PRKAR1A: variants seen among roughly 807,000 people sequenced by gnomAD.
PRKAR1A encodes the protein cAMP-dependent protein kinase type I-alpha regulatory subunit.
PRKAR1A carries 3 observed loss-of-function variants against 52.0 expected under a neutral mutation model. That is an observed-to-expected ratio of 0.06 (90% CI 0.03 to 0.15). PRKAR1A has a LOEUF of 0.15. PRKAR1A is among the 10% of genes least tolerant of loss of function. The pLI is 1.00. For missense variants in PRKAR1A, 240 were observed against 477.4 expected, an observed-to-expected ratio of 0.50 and a Z score of 4.63; for synonymous variants, 188 against 168.4, an observed-to-expected ratio of 1.12 and a Z score of -0.90.
chr17:68,447,502 C>T, the PRKAR1A span, among the ~76,000 whole-genome samples: 1 of 152,158 alleles, frequency 6.6e-6, no homozygotes, highest in South Asian at 2.1e-4. Flanking sequence ...CTGCCTCAGC[C>T]TCCCAAGTAG....
intron 2 of PRKAR1A, chr17:68,515,849 G>A (rs183732104): frequency 5.6e-4 from 248 of 445,310 alleles, no homozygotes; most frequent in Middle Eastern, 4.1e-3. Flanking sequence ...AAATTAGTGC[G>A]TAGAACTATA....
intron 2 of PRKAR1A, among the ~76,000 whole-genome samples, chr17:68,518,731 G>A (rs2085509340): frequency 1.3e-5 from 2 of 152,226 alleles, no homozygotes; most frequent in African/African-American, 2.4e-5. Flanking sequence ...TTGGCTCCTT[G>A]TTACTTATGT....
At chr17:68,457,187 C>G in the PRKAR1A span, among the ~76,000 whole-genome samples, 1 of 152,120 alleles carries the variant, frequency 6.6e-6, no homozygotes, top group Non-Finnish European at 1.5e-5. Flanking sequence ...TGAAGGGGTA[C>G]GGGGATAACA....
the PRKAR1A span, among the ~76,000 whole-genome samples, chr17:68,456,423 C>G: frequency 1.3e-5 from 2 of 152,186 alleles, no homozygotes; most frequent in Non-Finnish European, 2.9e-5. Context: ...AATCGGTCAT[C>G]CCCGCCTGAT....
At chr17:68,474,874 A>G in the PRKAR1A span, among the ~76,000 whole-genome samples, 2 of 152,172 alleles carry the variant, frequency 1.3e-5, no homozygotes, top group Non-Finnish European at 2.9e-5. Flanking sequence ...AGCAAGATCT[A>G]TCTCAAAAAA....
the PRKAR1A span, among the ~76,000 whole-genome samples, chr17:68,489,186 GTATATATATATATATATATA>G: frequency 5.2e-3 from 58 of 11,090 alleles, 3 homozygotes; most frequent in African/African-American, 0.011. Flanking sequence ...ATCTTGGAAA[GTATATATATATATATATATA>G]TATATATATA....
the PRKAR1A span, among the ~76,000 whole-genome samples, chr17:68,484,260 C>T: frequency 6.6e-6 from 1 of 152,182 alleles, no homozygotes; most frequent in African/African-American, 2.4e-5. Flanking sequence ...AAATTCATCT[C>T]TGTAATGTGT....
intron 11 of PRKAR1A, chr17:68,542,898 T>A (rs1270597251): frequency 5.2e-5 from 52 of 1,002,072 alleles, no homozygotes; most frequent in Non-Finnish European, 7.9e-5. Flanking sequence ...ACATTAGGAA[T>A]TGGCTGGTGT....
chr17:68,463,099 A>G, the PRKAR1A span, among the ~76,000 whole-genome samples: 22 of 152,130 alleles, frequency 1.4e-4, no homozygotes, highest in Non-Finnish European at 4.4e-5. Context: ...AGGTGGATTC[A>G]AAGGCTTTGG....
chr17:68,517,157 T>G (rs536356720), intron 2 of PRKAR1A, among the ~76,000 whole-genome samples: 15 of 152,358 alleles, frequency 9.8e-5, no homozygotes, highest in Middle Eastern at 6.8e-3. Flanking sequence ...CTTCTTTAAC[T>G]TTTAATAATT....
chr17:68,532,981 A>G lies in PRKAR1A; in HGVS notation c.*2532A>G, dbSNP rs193154990. 4.1e-5 allele frequency: 44 copies of G among 1,065,922 alleles called. No individual in the cohort carries two copies. The African/African-American group carries it at 7.2e-4, about 17-fold the overall frequency. 66.0% of individuals were successfully genotyped at this position (1,065,922 alleles called of 1,614,324 possible). A position where few individuals can be genotyped will look rare whatever the true frequency, so the allele number is the denominator to read the frequency against. The stretch of plus-strand genomic sequence containing the variant: ...AGGGTAATTGAGATGTAGCAGATTT[A>G]TTTACTTAGTCATGGAAAGAAAAAA... On this transcript the variant is annotated 3_prime_UTR_variant, in exon 11 of 11. Coordinates refer to ENST00000589228, the MANE Select transcript of PRKAR1A (RefSeq NM_002734.5).
the PRKAR1A span, among the ~76,000 whole-genome samples, chr17:68,472,326 C>T: frequency 6.6e-6 from 1 of 152,156 alleles, no homozygotes; most frequent in Admixed American, 6.5e-5. Flanking sequence ...GAAGTCCTCC[C>T]CACACTACCA....
At chr17:68,433,695 A>G in the PRKAR1A span, 1 of 622,684 alleles carries the variant, frequency 1.6e-6, no homozygotes. Context: ...GTAGACCCAG[A>G]TCCCTTAAAC....
chr17:68,429,986 T>C, the PRKAR1A span: 4 of 1,613,846 alleles, frequency 2.5e-6, no homozygotes, highest in African/African-American at 1.3e-5. Flanking sequence ...GTGGGTGTCA[T>C]TGTACGTACG....
Position 68,532,022 on chromosome 17 carries a change from T to C in PRKAR1A, c.*1573T>C. ...AATTGGTCATGGTAGATTTTTTTCATAGATTTGAAAAACTTTTAGGTTGTT... is the reference window on the plus strand; with the variant it reads ...AATTGGTCATGGTAGATTTTTTTCACAGATTTGAAAAACTTTTAGGTTGTT... On this transcript the variant is annotated 3_prime_UTR_variant, in exon 11 of 11. Coordinates refer to ENST00000589228, the MANE Select transcript of PRKAR1A (RefSeq NM_002734.5). 9.4e-7 allele frequency: 1 copy of C among 1,065,216 alleles called. No individual in the cohort carries two copies. The highest frequency in any genetic ancestry group is 5.0e-5 in the East Asian group (1 of 19,966). The allele number at this position is 1,065,216 out of a possible 1,614,324, so 66.0% of individuals were successfully genotyped here.
intron 11 of PRKAR1A, chr17:68,540,014 A>C: frequency 6.5e-7 from 1 of 1,530,628 alleles, no homozygotes; most frequent in Non-Finnish European, 9.0e-7. Context: ...CCAGGGGGAC[A>C]GGTGCTCCTG....
At chr17:68,506,407 C>T in the PRKAR1A span, among the ~76,000 whole-genome samples, 1 of 151,816 alleles carries the variant, frequency 6.6e-6, no homozygotes, top group African/African-American at 2.4e-5. Context: ...CAATGTACCC[C>T]CCCAATCCCA....
At chr17:68,466,987 T>C in the PRKAR1A span, among the ~76,000 whole-genome samples, 1 of 152,254 alleles carries the variant, frequency 6.6e-6, no homozygotes, top group Non-Finnish European at 1.5e-5. Context: ...TTATCTATTC[T>C]GGATATCTCA....
chr17:68,532,357 G>T lies in PRKAR1A; in HGVS notation c.*1908G>T. The T allele has an allele frequency of 1.9e-6, 2 of 1,055,920 alleles. No individual in the cohort carries two copies. Among genetic ancestry groups the T allele is most frequent in the Non-Finnish European group, 2.3e-6 (2 of 870,684 alleles). 65.4% of individuals were successfully genotyped at this position (1,055,920 alleles called of 1,614,324 possible). On this transcript the variant is annotated 3_prime_UTR_variant, in exon 11 of 11. Coordinates refer to ENST00000589228, the MANE Select transcript of PRKAR1A (RefSeq NM_002734.5). ...ATCATGCTCATGTATATTTAGTTAC[G>T]TATAATGCTTTCTGAGTGAGTTTTA...
Sources: gnomAD v4.1 joint callset for allele counts (sites outside exome capture counted in the v4.1 genomes callset) on GRCh38, gnomAD v4.1.1 for gene constraint, MANE v1.5 for transcripts, NCBI Gene and HGNC (gene_info 2026-07-23, HGNC 2026-07-21) for gene names.